RAB10: variants seen among roughly 807,000 people sequenced by gnomAD.
RAB10 encodes ras-related protein Rab-10.
Under a neutral mutation model 25.7 loss-of-function variants are expected in RAB10, and 5 were observed. That is an observed-to-expected ratio of 0.19 (90% CI 0.10 to 0.41). RAB10 has a LOEUF of 0.41. Among genes scored for constraint, RAB10 ranks in the 10% least tolerant of loss-of-function variants. RAB10 has a pLI of 1.00. For synonymous variants in RAB10, 89 were observed against 86.4 expected, an observed-to-expected ratio of 1.03 and a Z score of -0.16; for missense variants, 103 against 245.8, an observed-to-expected ratio of 0.42 and a Z score of 3.89.
At chr2:26,133,474 G>A (rs906308204) in intron 5 of RAB10, among the ~76,000 whole-genome samples, 6 of 152,120 alleles carry the variant, frequency 3.9e-5, no homozygotes, top group African/African-American at 1.4e-4. Context: ...CAGGAAAGGG[G>A]CACAAGGGAG....
rs571714807 is a variant in RAB10 at position 26,050,158 on chromosome 2, A to G, written c.127+15423A>G. 3.9e-5 allele frequency among the ~76,000 whole-genome samples: 6 copies of G among 152,270 alleles called. No homozygotes were observed. In the South Asian group the frequency reaches 8.3e-4, roughly 21 times the overall value. ...ATCATCCTATCGTAGCTTTTTGCTA[A>G]AAGGGTACATGGTAAAGGAAATTTT... On this transcript the variant is annotated intron_variant, in intron 1 of 5. Transcript: ENST00000264710.
intron 1 of RAB10, among the ~76,000 whole-genome samples, chr2:26,078,467 GT>G (rs1217764472): frequency 3.9e-5 from 6 of 152,292 alleles, no homozygotes; most frequent in Admixed American, 3.3e-4. Context: ...GAGAACAGAT[GT>G]ACAGATCAGT....
chr2:26,097,437 G>A (rs1188772655), intron 1 of RAB10, among the ~76,000 whole-genome samples: 3 of 151,944 alleles, frequency 2.0e-5, no homozygotes, highest in Admixed American at 6.6e-5. Flanking sequence ...CCACACCTGG[G>A]CATGGTATTT....
chr2:26,107,656 C>T (rs536486042), intron 2 of RAB10, among the ~76,000 whole-genome samples: 44 of 151,756 alleles, frequency 2.9e-4, no homozygotes, highest in Non-Finnish European at 5.6e-4. Context: ...GTTGGCTGGG[C>T]GTGGTGGTGG....
chr2:26,056,430 C>G (rs1450610600), intron 1 of RAB10, among the ~76,000 whole-genome samples: 1 of 152,056 alleles, frequency 6.6e-6, no homozygotes, highest in Non-Finnish European at 1.5e-5. Flanking sequence ...ATCTCCTGAC[C>G]TCATGATCCA....
intron 1 of RAB10, among the ~76,000 whole-genome samples, chr2:26,091,003 G>T (rs1246905927): frequency 6.6e-6 from 1 of 151,894 alleles, no homozygotes; most frequent in African/African-American, 2.4e-5. Flanking sequence ...CTAAAAAGCT[G>T]ATGGAAAGCA....
intron 1 of RAB10, among the ~76,000 whole-genome samples, chr2:26,075,959 C>A (rs1483070182): frequency 4.6e-5 from 7 of 151,932 alleles, no homozygotes; most frequent in Non-Finnish European, 1.5e-5. Flanking sequence ...ACAGTTTGGG[C>A]TGGATCAGGG....
chr2:26,068,596 C>T (rs1161914371), intron 1 of RAB10, among the ~76,000 whole-genome samples: 1 of 152,022 alleles, frequency 6.6e-6, no homozygotes, highest in African/African-American at 2.4e-5. Context: ...ATCAGACAAT[C>T]CTGAGCCAAG....
chr2:26,134,731 CA>C (rs1668074627), intron 5 of RAB10, among the ~76,000 whole-genome samples: 1 of 152,152 alleles, frequency 6.6e-6, no homozygotes, highest in Non-Finnish European at 1.5e-5. Context: ...GAAATGTCTA[CA>C]ATATTTCACA....
chr2:26,089,386 G>A (rs2149276827), intron 1 of RAB10, among the ~76,000 whole-genome samples: 1 of 149,300 alleles, frequency 6.7e-6, no homozygotes, highest in South Asian at 2.1e-4. Context: ...TTGCGCTGCT[G>A]CACTCCAGCC....
Position 26,132,418 on chromosome 2 carries a change from G to A in RAB10, c.520-2520G>A, listed in dbSNP as rs537973600. On this transcript the variant is annotated intron_variant, in intron 5 of 5. Coordinates refer to ENST00000264710, the MANE Select transcript of RAB10 (RefSeq NM_016131.5). ...ACAGGAGCCCGCCACCACGCCTGGC[G>A]AATTTTTATATTTTTACTAGAGACA... Among the ~76,000 whole-genome samples, 7 of 152,080 alleles carry A rather than the reference G, an allele frequency of 4.6e-5. No homozygotes were observed. In the East Asian group the frequency reaches 7.8e-4, roughly 17 times the overall value.
intron 5 of RAB10, among the ~76,000 whole-genome samples, chr2:26,133,727 G>A (rs544373321): frequency 1.3e-5 from 2 of 152,054 alleles, no homozygotes; most frequent in Non-Finnish European, 2.9e-5. Flanking sequence ...AGGCTGGAGT[G>A]CTGTGGCGGG....
intron 1 of RAB10, among the ~76,000 whole-genome samples, chr2:26,093,678 A>T (rs934487591): frequency 6.6e-6 from 1 of 152,184 alleles, no homozygotes; most frequent in Non-Finnish European, 1.5e-5. Context: ...AGCATATGCT[A>T]AACGAGAGAC....
At chr2:26,051,561 C>A (rs893595917) in intron 1 of RAB10, among the ~76,000 whole-genome samples, 18 of 150,374 alleles carry the variant, frequency 1.2e-4, no homozygotes, top group Middle Eastern at 3.4e-3. Context: ...ACCATCCTGA[C>A]CAACATGGTG....
At position 26,105,818 on chromosome 2, in the gene RAB10, T is replaced by C. The variant is rs778890934; in HGVS notation, c.189-3950T>C. Among the ~76,000 whole-genome samples, 9 of 152,336 alleles carry C rather than the reference T, an allele frequency of 5.9e-5. No homozygotes were observed. The South Asian group carries it at 1.5e-3, about 25-fold the overall frequency. ...TGTACCTTTTCTATGTTTTGACATA[T>C]TTAGATACACAAATACTTATTGTGT... On this transcript the variant is annotated intron_variant, in intron 2 of 5. Transcript: ENST00000264710.
intron 3 of RAB10, among the ~76,000 whole-genome samples, chr2:26,115,860 G>GTTT (rs70950169): frequency 9.5e-6 from 1 of 105,802 alleles, no homozygotes. Flanking sequence ...TGTTATTACT[G>GTTT]TTTTTTTTTT....
intron 1 of RAB10, among the ~76,000 whole-genome samples, chr2:26,039,242 A>G (rs1277464090): frequency 6.6e-6 from 1 of 152,016 alleles, no homozygotes. Flanking sequence ...GCTGGTCTTG[A>G]ACTCCTGACG....
At chr2:26,056,906 G>A (rs958564565) in intron 1 of RAB10, among the ~76,000 whole-genome samples, 2 of 152,174 alleles carry the variant, frequency 1.3e-5, no homozygotes, top group African/African-American at 4.8e-5. Context: ...ACAGGTGTGA[G>A]CCACTGAGCC....
At chr2:26,116,563 T>G (rs941733474) in intron 3 of RAB10, among the ~76,000 whole-genome samples, 3,270 of 136,042 alleles carry the variant, frequency 0.024, 61 homozygotes, top group Middle Eastern at 0.06. Context: ...TTTTTTTTTT[T>G]TTTTTTTTTT....
Sources: allele counts gnomAD v4.1 joint callset (sites outside exome capture counted in the v4.1 genomes callset), GRCh38; gene constraint gnomAD v4.1.1; transcripts MANE v1.5; gene names NCBI Gene and HGNC (gene_info 2026-07-23, HGNC 2026-07-21).